Variants in EDA observed in about 807,000 individuals in gnomAD.
EDA encodes the protein ectodysplasin-A.
Under a neutral mutation model 23.6 loss-of-function variants are expected in EDA, and 2 were observed. The observed-to-expected ratio is 0.08, with a 90% CI of 0.03 to 0.27. EDA has a LOEUF of 0.27. Ranked by LOEUF, EDA falls within the 10% of genes least tolerant of loss-of-function variation. The pLI is 1.00. For synonymous variants in EDA, 131 were observed against 132.0 expected (o/e 0.99, Z 0.05); for missense variants, 229 against 324.2 (o/e 0.71, Z 2.26).
At chrX:69,998,197 T>C (rs766280778) in intron 2 of EDA, among the ~76,000 whole-genome samples, 1 of 112,245 alleles carries the variant, frequency 8.9e-6, no homozygotes, top group Non-Finnish European at 1.9e-5. Context: ...AGCTGTACCG[T>C]GCAAAGCCAC....
At chrX:70,005,477 C>T (rs2019791483) in intron 2 of EDA, among the ~76,000 whole-genome samples, 1 of 110,912 alleles carries the variant, frequency 9.0e-6, no homozygotes, top group African/African-American at 3.3e-5. Context: ...AATTCACAGC[C>T]CTTGCCCTCA....
At chrX:69,737,851 G>A (rs2058373255) in intron 1 of EDA, among the ~76,000 whole-genome samples, 1 of 7,179 alleles carries the variant, frequency 1.4e-4, no homozygotes, top group Admixed American at 2.9e-3. Context: ...ATTCTAGGCT[G>A]ACAGATTTTT....
At chrX:69,668,385 A>G (rs1016750635) in intron 1 of EDA, among the ~76,000 whole-genome samples, 4 of 111,840 alleles carry the variant, frequency 3.6e-5, no homozygotes, top group African/African-American at 9.8e-5. Flanking sequence ...AACATGGCCT[A>G]TCCTGGAGAA....
chrX:69,778,217 C>G (rs2014841195), intron 1 of EDA, among the ~76,000 whole-genome samples: 1 of 111,509 alleles, frequency 9.0e-6, no homozygotes, highest in African/African-American at 3.2e-5. Flanking sequence ...TTTAGAAATG[C>G]TGACAAATAG....
chrX:69,832,553 G>GT (rs750228994), intron 1 of EDA, among the ~76,000 whole-genome samples: 2 of 111,172 alleles, frequency 1.8e-5, no homozygotes, highest in South Asian at 3.7e-4. Context: ...ATTTAAAGTA[G>GT]TTTTTTTTCC....
chrX:69,730,344 T>G, intron 1 of EDA, among the ~76,000 whole-genome samples: 1 of 97,403 alleles, frequency 1.0e-5, no homozygotes, highest in Non-Finnish European at 2.0e-5. Context: ...TGACAAGGCT[T>G]CTCAAAGCAT....
intron 1 of EDA, among the ~76,000 whole-genome samples, chrX:69,678,539 A>G (rs1370235663): frequency 9.0e-6 from 1 of 110,571 alleles, no homozygotes; most frequent in Admixed American, 9.6e-5. Context: ...GTCCTTCACA[A>G]CCCTTGTAAG....
chrX:69,828,950 C>A (rs2016537993), intron 1 of EDA, among the ~76,000 whole-genome samples: 1 of 112,114 alleles, frequency 8.9e-6, no homozygotes, highest in South Asian at 3.7e-4. Context: ...TTTTATCATT[C>A]ATTTCTCATC....
intron 1 of EDA, among the ~76,000 whole-genome samples, chrX:69,749,919 G>T (rs867011368): frequency 7.2e-4 from 35 of 48,507 alleles, no homozygotes; most frequent in South Asian, 1.8e-3. Flanking sequence ...TCTCACTAAG[G>T]TTCTTTTTTT....
chrX:69,844,907 A>G (rs1290735451), intron 1 of EDA, among the ~76,000 whole-genome samples: 3 of 112,044 alleles, frequency 2.7e-5, no homozygotes, highest in African/African-American at 9.7e-5. Context: ...GCGTAAGTAC[A>G]TTTCTCCTCT....
chrX:69,887,788 A>G (rs866474325), intron 1 of EDA, among the ~76,000 whole-genome samples: 1 of 111,807 alleles, frequency 8.9e-6, no homozygotes, highest in African/African-American at 3.2e-5. Flanking sequence ...GTGCTGAAAG[A>G]AAAGGAAACT....
rs753992574 is a variant in EDA at position 69,625,392 on chromosome X, G to C, written c.396+8688G>C. On this transcript the variant is annotated intron_variant, in intron 1 of 7. Transcript: ENST00000374552. ...AGTGCAAAGGCCTGGAGATGAAAGA[G>C]AACATGGTACATCCAGGAATAAGAA... Among the ~76,000 whole-genome samples the C allele has an allele frequency of 4.1e-4, 45 of 110,892 alleles. 2 individuals carry two copies. The highest frequency in any genetic ancestry group is 1.2e-3 in the Admixed American group (12 of 10,391).
chrX:69,634,348 T>C (rs1023312429), intron 1 of EDA, among the ~76,000 whole-genome samples: 6 of 111,690 alleles, frequency 5.4e-5, no homozygotes, highest in African/African-American at 2.0e-4. Context: ...GGTCTCACTC[T>C]GTTGCCCAGG....
chrX:69,780,534 T>G (rs186591635), intron 1 of EDA, among the ~76,000 whole-genome samples: 2 of 111,552 alleles, frequency 1.8e-5, no homozygotes, highest in Admixed American at 1.9e-4. Context: ...CCTGAGGACC[T>G]GGTGATTTGG....
At chrX:69,790,435 T>C (rs1240024874) in intron 1 of EDA, among the ~76,000 whole-genome samples, 1 of 111,288 alleles carries the variant, frequency 9.0e-6, no homozygotes, top group African/African-American at 3.3e-5. Flanking sequence ...GTATATTTTA[T>C]TTAATCTTAG....
At chrX:69,949,260 A>G (rs1438016839) in intron 1 of EDA, among the ~76,000 whole-genome samples, 2 of 112,163 alleles carry the variant, frequency 1.8e-5, no homozygotes, top group African/African-American at 3.2e-5. Context: ...ATGATAGAAG[A>G]AAAGGTGAAA....
chrX:70,030,370 C>T, intron 5 of EDA, 99 bp from the exon 6 acceptor site: 1 of 745,282 alleles, frequency 1.3e-6, no homozygotes, highest in Non-Finnish European at 2.1e-6. Flanking sequence ...AATTGGATTA[C>T]AATAGAAGAC....
At chrX:69,772,436 A>C (rs5936495) in intron 1 of EDA, among the ~76,000 whole-genome samples, 6,749 of 112,158 alleles carry the variant, frequency 0.06, 203 homozygotes, top group Middle Eastern at 0.096. Context: ...TTAAATTTTT[A>C]TTAAGGTAAA....
intron 1 of EDA, among the ~76,000 whole-genome samples, chrX:69,653,292 A>G (rs1226804187): frequency 2.7e-5 from 3 of 111,522 alleles, no homozygotes; most frequent in Admixed American, 1.9e-4. Context: ...TTATTGGTAT[A>G]TAAGAATGCT....
Sources: gnomAD v4.1 joint callset for allele counts (sites outside exome capture counted in the v4.1 genomes callset) on GRCh38, gnomAD v4.1.1 for gene constraint, MANE v1.5 for transcripts, NCBI Gene and HGNC (gene_info 2026-07-23, HGNC 2026-07-21) for gene names.